Variants in ZFYVE27 observed in about 807,000 individuals in gnomAD.
ZFYVE27 encodes protrudin.
A neutral mutation model predicts 52.8 loss-of-function variants in ZFYVE27; 36 were observed. That is an observed-to-expected ratio of 0.68 (90% CI 0.52 to 0.90). The LOEUF is 0.90. ZFYVE27 is among the 40% of genes least tolerant of loss of function. The probability of loss-of-function intolerance (pLI) is 0.00; values close to 1 mark genes in which losing one functional copy is unlikely to be tolerated. For missense variants in ZFYVE27, 450 were observed against 527.2 expected (o/e 0.85, Z 1.43); for synonymous variants, 223 against 215.6 (o/e 1.03, Z -0.30).
intron 10 of ZFYVE27, among the ~76,000 whole-genome samples, chr10:97,755,363 T>G (rs1001617163): frequency 1.3e-5 from 2 of 152,190 alleles, no homozygotes; most frequent in African/African-American, 2.4e-5. Flanking sequence ...CGAAATACAC[T>G]AAGCTGGGGG....
At chr10:97,750,160 T>C in intron 6 of ZFYVE27, 171 bp from the exon 7 acceptor site, 1 of 726,202 alleles carries the variant, frequency 1.4e-6, no homozygotes, top group Non-Finnish European at 2.4e-6. Context: ...TGGTGGTATC[T>C]AAGTTTTGTT....
intron 2 of ZFYVE27, among the ~76,000 whole-genome samples, chr10:97,740,347 C>G (rs1019547964): frequency 1.2e-4 from 18 of 152,228 alleles, no homozygotes; most frequent in Admixed American, 2.0e-4. Context: ...ACTGTAAGAT[C>G]ACTGTGCTCT....
At chr10:97,738,891 C>T (rs956719646) in intron 2 of ZFYVE27, 16 of 584,936 alleles carry the variant, frequency 2.7e-5, no homozygotes, top group Non-Finnish European at 4.6e-5. Context: ...TCCTGCCTTT[C>T]AGCAAGGTTC....
At chr10:97,753,328 G>C (rs1461844228) in intron 10 of ZFYVE27, 146 bp downstream of exon 10, 2 of 1,274,446 alleles carry the variant, frequency 1.6e-6, no homozygotes, top group African/African-American at 3.0e-5. Context: ...GTGTGTCCGC[G>C]GGACCCCGGG....
In ZFYVE27 at chr10:97,759,428, C is replaced by G; in HGVS notation, c.*128C>G. The G allele has an allele frequency of 1.1e-6, 1 of 918,970 alleles. No homozygotes were observed. 56.9% of individuals were successfully genotyped at this position (918,970 alleles called of 1,614,324 possible). ...GGCCTGAATGCTAGGTAGGCTTCCC[C>G]TTCCTTCCTCACTCTCTCCAGCTGG... On this transcript the variant is annotated 3_prime_UTR_variant, in exon 13 of 13. Transcript: ENST00000684270.
chr10:97,746,468 C>T (rs990141012), intron 4 of ZFYVE27, among the ~76,000 whole-genome samples: 1 of 152,186 alleles, frequency 6.6e-6, no homozygotes, highest in Non-Finnish European at 1.5e-5. Flanking sequence ...TATACATATT[C>T]TTTTCTTTTT....
At chr10:97,756,798 C>T (rs1474025832) in intron 10 of ZFYVE27, among the ~76,000 whole-genome samples, 1 of 152,212 alleles carries the variant, frequency 6.6e-6, no homozygotes, top group Non-Finnish European at 1.5e-5. Context: ...TTCTCTCCTG[C>T]AGTCTTCAGG....
chr10:97,744,668 G>C, intron 3 of ZFYVE27, 61 bp from the exon 4 acceptor site: 1 of 1,597,102 alleles, frequency 6.3e-7, no homozygotes, highest in Non-Finnish European at 8.5e-7. Flanking sequence ...GTGGGCGTCT[G>C]GGTGGGCCGA....
chr10:97,755,541 C>T (rs937289860), intron 10 of ZFYVE27, among the ~76,000 whole-genome samples: 1 of 152,188 alleles, frequency 6.6e-6, no homozygotes, highest in Non-Finnish European at 1.5e-5. Flanking sequence ...TCTCTGGGGC[C>T]TCTTTTATAA....
rs199548555 is a variant in ZFYVE27, at chr10:97,738,626, A to G, written c.149A>G (p.Tyr50Cys). Reference sequence around the variant, plus strand: ...CTCTCCTACAAGAGGCTGGAGATCTACCTGGAACCCTTGAAGGATGCAGGT... The same window carrying G: ...CTCTCCTACAAGAGGCTGGAGATCTGCCTGGAACCCTTGAAGGATGCAGGT... ...LVLSYKRLEI[Y>C]LEPLKDAGDG... Residue 50 changes from tyrosine to cysteine, a missense_variant, in exon 2 of 13, where the codon TAC (tyrosine) becomes TGC (cysteine). Transcript: ENST00000684270. 1.0e-4 allele frequency: 163 copies of G among 1,614,182 alleles called. No individual in the cohort carries two copies. Among genetic ancestry groups the G allele is most frequent in the Middle Eastern group, 6.6e-4 (4 of 6,062 alleles).
rs2042337857 is a variant in ZFYVE27 at position 97,737,320 on chromosome 10, G to C, written c.-3G>C. 2 of 152,582 alleles carry C rather than the reference G, an allele frequency of 1.3e-5. No individual in the cohort carries two copies. The highest frequency in any genetic ancestry group is 3.9e-4 in the East Asian group (2 of 5,176). 9.5% of individuals were successfully genotyped at this position (152,582 alleles called of 1,614,324 possible). A position where few individuals can be genotyped will look rare whatever the true frequency, so the allele number is the denominator to read the frequency against. ...CGCCTCCCTCACGGAGCCAGCGGCC[G>C]GGTAGGTGAGGTGCCGTCCCCCCGC... On this transcript the variant is annotated splice_region_variant and 5_prime_UTR_variant, in exon 1 of 13. Transcript: ENST00000684270.
chr10:97,741,103 C>T (rs894137891), intron 2 of ZFYVE27, among the ~76,000 whole-genome samples: 1 of 152,156 alleles, frequency 6.6e-6, no homozygotes, highest in African/African-American at 2.4e-5. Context: ...ACACAGATGT[C>T]ATTTCATTCC....
intron 2 of ZFYVE27, among the ~76,000 whole-genome samples, chr10:97,742,893 C>T (rs1387631973): frequency 6.6e-6 from 1 of 152,186 alleles, no homozygotes; most frequent in Non-Finnish European, 1.5e-5. Flanking sequence ...TACCAGTTTC[C>T]TCACCCCAGG....
chr10:97,747,816 G>T (rs2045878989), intron 4 of ZFYVE27, among the ~76,000 whole-genome samples: 1 of 152,076 alleles, frequency 6.6e-6, no homozygotes, highest in African/African-American at 2.4e-5. Flanking sequence ...TGTGCTCATG[G>T]CTTCTGTGGT....
chr10:97,749,526 T>C lies in ZFYVE27; in HGVS notation c.604T>C (p.Cys202Arg). ...TVCMLYLLPL[C>R]WVLTLLNSTL... Reference sequence around the variant, plus strand: ...CTGCATGCTGTATTTGCTGCCACTCTGCTGGGTTCTCACCCTTTTAAACAG... The same window carrying C: ...CTGCATGCTGTATTTGCTGCCACTCCGCTGGGTTCTCACCCTTTTAAACAG... The change falls in exon 6 of 13, where the codon TGC becomes CGC. Residue 202 changes from cysteine to arginine, a missense_variant. Physicochemically the swap from Cys to Arg is radical, Grantham distance 180. Transcript: ENST00000684270. The C allele has an allele frequency of 6.2e-7, 1 of 1,614,196 alleles. No individual in the cohort carries two copies. Among genetic ancestry groups the C allele is most frequent in the East Asian group, 2.2e-5 (1 of 44,876 alleles).
chr10:97,760,564 CTG>C lies in ZFYVE27; in HGVS notation c.*1265_*1266del, dbSNP rs2049314345. The C allele has an allele frequency of 6.6e-6, 1 of 152,228 alleles. No individual in the cohort carries two copies. The highest frequency in any genetic ancestry group is 2.4e-5 in the African/African-American group (1 of 41,416). 9.4% of individuals were successfully genotyped at this position (152,228 alleles called of 1,614,324 possible). A position where few individuals can be genotyped will look rare whatever the true frequency, so the allele number is the denominator to read the frequency against. On this transcript the variant is annotated 3_prime_UTR_variant, in exon 13 of 13. Transcript: ENST00000684270. ...TAGGACTCTTCCCTGGAGTCATGGG[CTG>C]CCTGGGACCCAGGACCCATGAGGGG...
At chr10:97,747,808 T>G (rs74152025) in intron 4 of ZFYVE27, among the ~76,000 whole-genome samples, 1 of 152,128 alleles carries the variant, frequency 6.6e-6, no homozygotes, top group Non-Finnish European at 1.5e-5. Context: ...GTTCAGATTG[T>G]GCTCATGGCT....
At chr10:97,746,549 A>G (rs1440548014) in intron 4 of ZFYVE27, among the ~76,000 whole-genome samples, 1 of 152,256 alleles carries the variant, frequency 6.6e-6, no homozygotes, top group Non-Finnish European at 1.5e-5. Context: ...GAACAAGGAC[A>G]TTCTCTTAAA....
chr10:97,753,335 CG>C (rs2047491068), intron 10 of ZFYVE27, among the ~76,000 whole-genome samples, 153 bp downstream of exon 10: 1 of 152,002 alleles, frequency 6.6e-6, no homozygotes, highest in South Asian at 2.1e-4. Flanking sequence ...CGCGGGACCC[CG>C]GGGAGCTAGC....
Sources: allele counts gnomAD v4.1 joint callset (sites outside exome capture counted in the v4.1 genomes callset), GRCh38; gene constraint gnomAD v4.1.1; transcripts MANE v1.5; gene names NCBI Gene and HGNC (gene_info 2026-07-23, HGNC 2026-07-21).